Variants in DLGAP1 observed in about 807,000 individuals in gnomAD.
DLGAP1 encodes the protein DLG associated protein 1, also known as disks large-associated protein 1.
In DLGAP1, 11 loss-of-function variants were observed where a neutral mutation model predicts 90.8. The observed-to-expected ratio is 0.12, with a 90% CI of 0.08 to 0.20. The LOEUF is 0.20. Among genes scored for constraint, DLGAP1 ranks in the 10% least tolerant of loss-of-function variants. The probability of loss-of-function intolerance (pLI) is 1.00; values close to 1 mark genes in which losing one functional copy is unlikely to be tolerated. For missense variants in DLGAP1, 1,050 were observed against 1,333.8 expected, an observed-to-expected ratio of 0.79 and a Z score of 3.31; for synonymous variants, 558 against 540.7, an observed-to-expected ratio of 1.03 and a Z score of -0.44.
At chr18:4,205,575 G>T (rs1005792870) in intron 1 of DLGAP1, among the ~76,000 whole-genome samples, 5 of 152,196 alleles carry the variant, frequency 3.3e-5, no homozygotes, top group African/African-American at 1.2e-4. Flanking sequence ...TCACAGTAAA[G>T]TCAAATTCCT....
intron 3 of DLGAP1, among the ~76,000 whole-genome samples, chr18:3,897,601 T>G (rs1463768068): frequency 6.6e-6 from 1 of 152,158 alleles, no homozygotes; most frequent in East Asian, 1.9e-4. Context: ...TGATGACATA[T>G]TAACTGCCTT....
chr18:3,584,199 A>G (rs572073047), intron 7 of DLGAP1, among the ~76,000 whole-genome samples: 268 of 152,304 alleles, frequency 1.8e-3, no homozygotes, highest in African/African-American at 6.3e-3. Flanking sequence ...GTGAAGCACA[A>G]TTCCTTAAGC....
At chr18:4,291,657 T>C (rs950443843) in intron 1 of DLGAP1, among the ~76,000 whole-genome samples, 2 of 152,162 alleles carry the variant, frequency 1.3e-5, no homozygotes, top group Non-Finnish European at 2.9e-5. Context: ...CAGTTGTAGC[T>C]ACCATGAGAA....
intron 3 of DLGAP1, among the ~76,000 whole-genome samples, chr18:3,968,154 C>G (rs937443507): frequency 6.6e-6 from 1 of 152,188 alleles, no homozygotes; most frequent in Non-Finnish European, 1.5e-5. Flanking sequence ...CTGCTCTAAT[C>G]TGAGCATAAA....
At chr18:3,938,258 A>G (rs2072685974) in intron 3 of DLGAP1, among the ~76,000 whole-genome samples, 1 of 152,224 alleles carries the variant, frequency 6.6e-6, no homozygotes, top group African/African-American at 2.4e-5. Context: ...AACATGAAAC[A>G]GAAGAATGCA....
At chr18:4,233,988 T>C (rs1464599167) in intron 1 of DLGAP1, among the ~76,000 whole-genome samples, 3 of 152,116 alleles carry the variant, frequency 2.0e-5, no homozygotes, top group African/African-American at 7.2e-5. Context: ...TTTCAATATT[T>C]AAATATCTTA....
chr18:4,453,786 G>A (rs1162726541), intron 1 of DLGAP1, among the ~76,000 whole-genome samples: 1 of 152,168 alleles, frequency 6.6e-6, no homozygotes, highest in Non-Finnish European at 1.5e-5. Flanking sequence ...GTTATGGAAG[G>A]AGGCAGGGAG....
At chr18:3,829,324 G>A (rs1344800940) in intron 4 of DLGAP1, among the ~76,000 whole-genome samples, 1 of 152,150 alleles carries the variant, frequency 6.6e-6, no homozygotes, top group African/African-American at 2.4e-5. Flanking sequence ...TTTTCATATA[G>A]TAATCATGTT....
At chr18:4,302,355 TGCATGTGGATATACA>T (rs2080145226) in intron 1 of DLGAP1, among the ~76,000 whole-genome samples, 1 of 152,216 alleles carries the variant, frequency 6.6e-6, no homozygotes, top group African/African-American at 2.4e-5. Context: ...TTCATTGTTC[TGCATGTGGATATACA>T]GTTTTCCTGA....
At chr18:4,106,387 C>A (rs185209361) in intron 2 of DLGAP1, among the ~76,000 whole-genome samples, 1 of 152,268 alleles carries the variant, frequency 6.6e-6, no homozygotes, top group African/African-American at 2.4e-5. Context: ...GCTGTCATGC[C>A]CCCAGCCCTG....
intron 2 of DLGAP1, among the ~76,000 whole-genome samples, chr18:4,025,548 C>T (rs1391712681): frequency 2.6e-5 from 4 of 152,086 alleles, no homozygotes; most frequent in Non-Finnish European, 5.9e-5. Flanking sequence ...GATTGGCCCA[C>T]GGTCATGCAA....
intron 3 of DLGAP1, among the ~76,000 whole-genome samples, chr18:3,926,990 C>A (rs527349606): frequency 6.6e-6 from 1 of 152,096 alleles, no homozygotes; most frequent in Non-Finnish European, 1.5e-5. Flanking sequence ...GTCACCAAAT[C>A]TGGGGCAGCA....
At chr18:3,799,699 C>T (rs930667262) in intron 5 of DLGAP1, among the ~76,000 whole-genome samples, 1 of 152,084 alleles carries the variant, frequency 6.6e-6, no homozygotes, top group African/African-American at 2.4e-5. Flanking sequence ...CTTAAATAAA[C>T]TCAGGGAAAG....
chr18:3,559,529 C>G (rs1164510701), intron 9 of DLGAP1, among the ~76,000 whole-genome samples: 4 of 151,042 alleles, frequency 2.6e-5, no homozygotes, highest in Admixed American at 6.6e-5. Flanking sequence ...TCTCTCCTTT[C>G]TTAGCATACT....
At chr18:3,571,745 C>G (rs534736877) in intron 8 of DLGAP1, among the ~76,000 whole-genome samples, 19 of 152,198 alleles carry the variant, frequency 1.2e-4, no homozygotes, top group African/African-American at 4.6e-4. Context: ...CCAGGATGGT[C>G]TGGATCTCTT....
At position 3,563,667 on chromosome 18, in the gene DLGAP1, C is replaced by G. The variant is rs1279813626; in HGVS notation, c.2057+3823G>C. ...TATTTTTAGTAGAGATGGGGTTTCT[C>G]CATGTTGGCCAGGCTGGTCTTGAAC... On this transcript the variant is annotated intron_variant, in intron 9 of 12. Transcript: ENST00000315677. Among the ~76,000 whole-genome samples the G allele has an allele frequency of 3.3e-5, 5 of 152,002 alleles. No homozygotes were observed. In the East Asian group the frequency reaches 9.6e-4, roughly 29 times the overall value.
chr18:4,248,995 T>G (rs1467900415), intron 1 of DLGAP1, among the ~76,000 whole-genome samples: 1 of 152,192 alleles, frequency 6.6e-6, no homozygotes, highest in Non-Finnish European at 1.5e-5. Context: ...GATACCCACA[T>G]AGGGCACTTG....
At chr18:3,588,656 T>C (rs2056043678) in intron 7 of DLGAP1, among the ~76,000 whole-genome samples, 1 of 150,582 alleles carries the variant, frequency 6.6e-6, no homozygotes, top group African/African-American at 2.4e-5. Flanking sequence ...GGTGTGTGCC[T>C]GTATTCCCAG....
chr18:3,919,497 C>T (rs1327187915), intron 3 of DLGAP1, among the ~76,000 whole-genome samples: 4 of 152,032 alleles, frequency 2.6e-5, no homozygotes, highest in Non-Finnish European at 4.4e-5. Flanking sequence ...TGATTTTTGC[C>T]CAAGGAGGTC....
Sources: gnomAD v4.1 joint callset for allele counts (sites outside exome capture counted in the v4.1 genomes callset) on GRCh38, gnomAD v4.1.1 for gene constraint, MANE v1.5 for transcripts, NCBI Gene and HGNC (gene_info 2026-07-23, HGNC 2026-07-21) for gene names.